Variants in DENND5A observed in about 807,000 individuals in gnomAD.
The protein encoded by DENND5A is DENN domain-containing protein 5A.
A neutral mutation model predicts 140.3 loss-of-function variants in DENND5A; 64 were observed. The observed-to-expected ratio is 0.46, with a 90% CI of 0.37 to 0.56. The LOEUF (loss-of-function observed/expected upper bound fraction) is 0.56. Ranked by LOEUF, DENND5A falls within the 20% of genes least tolerant of loss-of-function variation. DENND5A has a pLI of 0.00. For synonymous variants in DENND5A, 605 were observed against 607.7 expected (o/e 1.00, Z 0.07); for missense variants, 1,292 against 1,593.8 (o/e 0.81, Z 3.22).
intron 15 of DENND5A, among the ~76,000 whole-genome samples, chr11:9,148,649 GAGA>G (rs1021082641): frequency 4.6e-5 from 7 of 152,224 alleles, no homozygotes; most frequent in African/African-American, 1.7e-4. Flanking sequence ...TGTAGGTACG[GAGA>G]AGAAGTGGGG....
At chr11:9,190,075 C>G (rs1467728971) in intron 5 of DENND5A, among the ~76,000 whole-genome samples, 2 of 152,162 alleles carry the variant, frequency 1.3e-5, no homozygotes, top group South Asian at 4.1e-4. Context: ...TGTTTTTGGC[C>G]AATTTCTCTC....
chr11:9,162,235 T>G (rs1024867142), intron 11 of DENND5A, among the ~76,000 whole-genome samples: 9 of 139,286 alleles, frequency 6.5e-5, no homozygotes, highest in African/African-American at 2.1e-4. Context: ...AGTTCCTTCT[T>G]TTTTTTTTTT....
intron 20 of DENND5A, 146 bp from the exon 21 acceptor site, chr11:9,142,991 T>G: frequency 1.9e-6 from 2 of 1,033,794 alleles, no homozygotes; most frequent in South Asian, 1.7e-5. Context: ...CCTGGCACAG[T>G]GCCTGGCTCA....
At chr11:9,249,770 G>A (rs926615404) in intron 1 of DENND5A, among the ~76,000 whole-genome samples, 17 of 151,882 alleles carry the variant, frequency 1.1e-4, no homozygotes, top group Admixed American at 1.1e-3. Flanking sequence ...GGCTGTTCTC[G>A]AACTCCTGAC....
In DENND5A at chr11:9,179,085, G is replaced by A. The variant is rs1250529787; in HGVS notation, c.1456-12C>T. ...TCACGCACTTCCAACTACAAAAAAA[G>A]AAAAAGCAGTTGAGAACACATACAC... On this transcript the variant is annotated splice_polypyrimidine_tract_variant and intron_variant, in intron 6 of 22. Coordinates refer to ENST00000328194, the MANE Select transcript of DENND5A (RefSeq NM_015213.4). The A allele has an allele frequency of 1.9e-6, 3 of 1,610,876 alleles. No individual in the cohort carries two copies. Among genetic ancestry groups the A allele is most frequent in the Non-Finnish European group, 2.5e-6 (3 of 1,178,180 alleles).
At chr11:9,186,343 TAAAG>T (rs1848912147) in intron 5 of DENND5A, among the ~76,000 whole-genome samples, 1 of 152,204 alleles carries the variant, frequency 6.6e-6, no homozygotes, top group African/African-American at 2.4e-5. Flanking sequence ...TTAGAAGAGA[TAAAG>T]ACAGAATTAA....
At chr11:9,202,062 C>T (rs1459356988) in intron 4 of DENND5A, among the ~76,000 whole-genome samples, 1 of 152,162 alleles carries the variant, frequency 6.6e-6, no homozygotes, top group Admixed American at 6.5e-5. Flanking sequence ...AGAAGCACAT[C>T]ACTTCTATGG....
At position 9,181,006 on chromosome 11, in the gene DENND5A, C is replaced by T; in HGVS notation, c.1216G>A (p.Glu406Lys). 1 of 1,614,120 alleles carries T rather than the reference C, an allele frequency of 6.2e-7. No individual in the cohort carries two copies. The highest frequency in any genetic ancestry group is 2.2e-5 in the East Asian group (1 of 44,870). ...EDLPQFPNKL[E>K]FVQEVSEILM... Reference sequence around the variant, plus strand: ...ATCTCAGAGACTTCCTGGACAAACTCCAATTTGTTGGGGAACTGTGGCAAG... The same window carrying T: ...ATCTCAGAGACTTCCTGGACAAACTTCAATTTGTTGGGGAACTGTGGCAAG... The change falls in exon 6 of 23, where the codon GAG becomes AAG. Residue 406 changes from glutamate to lysine, a missense_variant. Around this residue, in one of 4 missense-constraint regions of DENND5A, gnomAD observed 566 missense variants for 650.4 expected, o/e 0.87. Transcript: ENST00000328194.
rs1003895799 is a variant in DENND5A at position 9,139,983 on chromosome 11, C to A, written c.3681-129G>T. 75 of 1,034,894 alleles carry A rather than the reference C, an allele frequency of 7.2e-5. No homozygotes were observed. In the African/African-American group the frequency reaches 1.2e-3, roughly 16 times the overall value. 64.1% of individuals were successfully genotyped at this position (1,034,894 alleles called of 1,614,324 possible). A position where few individuals can be genotyped will look rare whatever the true frequency, so the allele number is the denominator to read the frequency against. On this transcript the variant is annotated intron_variant, in intron 22 of 22. Coordinates refer to ENST00000328194, the MANE Select transcript of DENND5A (RefSeq NM_015213.4). ...TGGAGAAGCTGACAGCCCCCCACACCCCCCTTTCCCAAACAGGGACTGGCA... is the reference window on the plus strand; with the variant it reads ...TGGAGAAGCTGACAGCCCCCCACACACCCCTTTCCCAAACAGGGACTGGCA...
At chr11:9,196,912 C>G (rs748536868) in intron 4 of DENND5A, among the ~76,000 whole-genome samples, 23 of 151,690 alleles carry the variant, frequency 1.5e-4, no homozygotes, top group Non-Finnish European at 2.7e-4. Context: ...CACCTGGCCT[C>G]AAGTTTTATT....
intron 5 of DENND5A, among the ~76,000 whole-genome samples, chr11:9,188,704 T>C (rs751062913): frequency 2.0e-5 from 3 of 152,166 alleles, no homozygotes; most frequent in East Asian, 1.9e-4. Context: ...CCCTAGAGAT[T>C]TGTGTGACTT....
intron 1 of DENND5A, among the ~76,000 whole-genome samples, chr11:9,212,284 TG>T (rs1251602149): frequency 6.6e-6 from 1 of 152,024 alleles, no homozygotes; most frequent in East Asian, 1.9e-4. Flanking sequence ...CAGAGATGTG[TG>T]GGGCAACAAG....
At chr11:9,140,978 T>C (rs564460081) in intron 22 of DENND5A, among the ~76,000 whole-genome samples, 39 of 152,162 alleles carry the variant, frequency 2.6e-4, no homozygotes, top group African/African-American at 8.2e-4. Context: ...AATACAAAAC[T>C]AGCCAGGCGT....
chr11:9,168,816 G>A (rs1848273697), intron 10 of DENND5A, among the ~76,000 whole-genome samples: 1 of 152,210 alleles, frequency 6.6e-6, no homozygotes, highest in Non-Finnish European at 1.5e-5. Flanking sequence ...CTCTGTGCAA[G>A]ATGAAAATTA....
chr11:9,257,166 C>A (rs547866558), intron 1 of DENND5A, among the ~76,000 whole-genome samples: 1 of 152,014 alleles, frequency 6.6e-6, no homozygotes, highest in Non-Finnish European at 1.5e-5. Context: ...CCCACCACCA[C>A]GCCCGGCTAA....
intron 12 of DENND5A, among the ~76,000 whole-genome samples, chr11:9,153,342 C>CT: frequency 1.8e-5 from 1 of 54,908 alleles, no homozygotes; most frequent in Non-Finnish European, 3.1e-5. Context: ...GAGGCTCCCT[C>CT]TCAAAAAAAA....
At chr11:9,253,167 C>T (rs1851803208) in intron 1 of DENND5A, among the ~76,000 whole-genome samples, 2 of 152,062 alleles carry the variant, frequency 1.3e-5, no homozygotes. Flanking sequence ...CAGGAATTTA[C>T]AAGCTGAGCG....
At chr11:9,255,640 T>C (rs1025794342) in intron 1 of DENND5A, among the ~76,000 whole-genome samples, 2 of 151,880 alleles carry the variant, frequency 1.3e-5, no homozygotes, top group Non-Finnish European at 2.9e-5. Context: ...CAGAGGCAGG[T>C]GGATCATGAA....
chr11:9,221,148 C>T (rs926058913), intron 1 of DENND5A, among the ~76,000 whole-genome samples: 3 of 151,610 alleles, frequency 2.0e-5, no homozygotes, highest in African/African-American at 7.3e-5. Context: ...AACATTCAAT[C>T]GGCTGGACAC....
Sources: gnomAD v4.1 joint callset for allele counts (sites outside exome capture counted in the v4.1 genomes callset) on GRCh38, gnomAD v4.1.1 for gene constraint, gnomAD v4.1.1 regional missense constraint, MANE v1.5 for transcripts, NCBI Gene and HGNC (gene_info 2026-07-23, HGNC 2026-07-21) for gene names.